The following PACRGL variants were observed in gnomAD, a reference collection of about 807,000 sequenced individuals.
PACRGL encodes PACRG-like protein.
Under a neutral mutation model 34.5 loss-of-function variants are expected in PACRGL, and 38 were observed. That is an observed-to-expected ratio of 1.10 (90% CI 0.85 to 1.44). PACRGL has a LOEUF of 1.44. Ranked by LOEUF, PACRGL falls within the 40% of genes most tolerant of loss-of-function variation. The pLI, the probability that PACRGL is intolerant of heterozygous loss-of-function variation, is 0.00. For synonymous variants in PACRGL, 128 were observed against 100.1 expected (o/e 1.28, Z -1.66); for missense variants, 305 against 281.4 (o/e 1.08, Z -0.60).
chr4:20,754,475 G>A (rs757062401), downstream of PACRGL, among the ~76,000 whole-genome samples: 17 of 152,096 alleles, frequency 1.1e-4, no homozygotes, highest in Non-Finnish European at 2.4e-4. Context: ...ACATGAATTC[G>A]CCTGCCATCA....
chr4:20,739,708 G>A (rs4640668), intron 8 of PACRGL, among the ~76,000 whole-genome samples: 52,108 of 151,950 alleles, frequency 0.34, 9,393 homozygotes, highest in African/African-American at 0.44. Context: ...GCACCTCCTC[G>A]CCAGCAATGG....
chr4:20,732,852 G>T, downstream of PACRGL: 1 of 964,066 alleles, frequency 1.0e-6, no homozygotes, highest in South Asian at 1.5e-5. Context: ...AAGAAGCTCT[G>T]ACAGATTTTT....
At chr4:20,761,946 C>T in the PACRGL span, among the ~76,000 whole-genome samples, 1 of 152,134 alleles carries the variant, frequency 6.6e-6, no homozygotes, top group South Asian at 2.1e-4. Context: ...CAGGAGTCTT[C>T]TAGGAACTGG....
intron 1 of PACRGL, among the ~76,000 whole-genome samples, chr4:20,701,010 TAAA>T (rs1731921620): frequency 6.6e-6 from 1 of 151,998 alleles, no homozygotes; most frequent in South Asian, 2.1e-4. Context: ...TACTTTCTGG[TAAA>T]AAAGGGACTG....
chr4:20,713,083 C>T (rs1009882934), intron 6 of PACRGL, 161 bp downstream of exon 6: 4 of 725,392 alleles, frequency 5.5e-6, no homozygotes, highest in Non-Finnish European at 8.2e-6. Context: ...AACTGTTACT[C>T]AGGGCCAGAT....
the PACRGL span, among the ~76,000 whole-genome samples, chr4:20,763,890 G>T: frequency 6.6e-6 from 1 of 152,094 alleles, no homozygotes. Flanking sequence ...AAGTCATTTA[G>T]CAGTATAAAT....
intron 8 of PACRGL, among the ~76,000 whole-genome samples, chr4:20,746,272 A>G (rs748706978): frequency 3.9e-5 from 6 of 152,162 alleles, no homozygotes; most frequent in Non-Finnish European, 7.3e-5. Flanking sequence ...TATCATGAGA[A>G]CAGTAAACCA....
chr4:20,697,394 T>A (rs1210386206), upstream of PACRGL, among the ~76,000 whole-genome samples: 4 of 152,168 alleles, frequency 2.6e-5, no homozygotes, highest in African/African-American at 4.8e-5. Context: ...AATAATTTTT[T>A]CACAAGTCAA....
At chr4:20,749,181 C>G (rs988261465) in intron 8 of PACRGL, among the ~76,000 whole-genome samples, 5 of 128,714 alleles carry the variant, frequency 3.9e-5, no homozygotes, top group African/African-American at 1.4e-4. Flanking sequence ...AATACGTTCT[C>G]TACAGATCAC....
chr4:20,761,465 T>G, the PACRGL span, among the ~76,000 whole-genome samples: 2 of 152,194 alleles, frequency 1.3e-5, no homozygotes, highest in Non-Finnish European at 2.9e-5. Flanking sequence ...CTAAACACTT[T>G]GCAGTTAGAC....
chr4:20,759,449 G>T, the PACRGL span, among the ~76,000 whole-genome samples: 2 of 152,028 alleles, frequency 1.3e-5, no homozygotes, highest in Non-Finnish European at 2.9e-5. Context: ...CCATATTTTT[G>T]AACTTCCGGA....
rs10584716 is a variant in PACRGL, at chr4:20,725,352, TAC to T, written c.690+487_690+488del. Among the ~76,000 whole-genome samples, 1,454 of 149,944 alleles carry T rather than the reference TAC, an allele frequency of 9.7e-3. 24 individuals are homozygous for T. Among genetic ancestry groups the T allele is most frequent in the South Asian group, 0.064 (304 of 4,758 alleles). On this transcript the variant is annotated intron_variant, in intron 8 of 8. Coordinates refer to ENST00000503585, the MANE Select transcript of PACRGL (RefSeq NM_001258345.3). Reference sequence around the variant, plus strand: ...AAGTGCGTGCATACCCCCATAGGTGTACACACACACACACACACACACACGGA... The same window carrying T: ...AAGTGCGTGCATACCCCCATAGGTGTACACACACACACACACACACACGGA...
intron 8 of PACRGL, among the ~76,000 whole-genome samples, chr4:20,746,535 C>T (rs919178409): frequency 1.3e-5 from 2 of 151,920 alleles, no homozygotes; most frequent in Admixed American, 6.6e-5. Flanking sequence ...AAAAAAAATC[C>T]CCCAACTGAT....
chr4:20,758,872 C>T, the PACRGL span: 1 of 1,613,226 alleles, frequency 6.2e-7, no homozygotes, highest in Non-Finnish European at 8.5e-7. Flanking sequence ...TCTTCATTAA[C>T]AACACCACTG....
At chr4:20,715,550 A>G (rs11721944) in intron 7 of PACRGL, among the ~76,000 whole-genome samples, 25,388 of 152,072 alleles carry the variant, frequency 0.17, 2,215 homozygotes, top group Middle Eastern at 0.22. Flanking sequence ...AAGCACCTAC[A>G]TGAGCAGAGT....
At chr4:20,698,164 T>C (rs1056119727), upstream of PACRGL, among the ~76,000 whole-genome samples, 3 of 152,156 alleles carry the variant, frequency 2.0e-5, 1 homozygote, top group Admixed American at 1.3e-4. Flanking sequence ...CTGGGTGATA[T>C]AGTTTATGCT....
At chr4:20,748,894 GTATATA>G (rs57841958) in intron 8 of PACRGL, among the ~76,000 whole-genome samples, 18,804 of 145,206 alleles carry the variant, frequency 0.13, 1,514 homozygotes, top group African/African-American at 0.23. Context: ...GTGTGTGTGT[GTATATA>G]TATATATATA....
At chr4:20,701,069 C>G (rs935797760) in intron 1 of PACRGL, among the ~76,000 whole-genome samples, 5 of 152,128 alleles carry the variant, frequency 3.3e-5, no homozygotes, top group Admixed American at 6.5e-5. Flanking sequence ...TTTGACAGAG[C>G]TTTACAAATG....
upstream of PACRGL, among the ~76,000 whole-genome samples, chr4:20,696,991 C>T (rs936786900): frequency 6.6e-6 from 1 of 152,180 alleles, no homozygotes; most frequent in Non-Finnish European, 1.5e-5. Flanking sequence ...ATTCTTTCCA[C>T]CTTTAAAAAA....
Sources: allele counts gnomAD v4.1 joint callset (sites outside exome capture counted in the v4.1 genomes callset), GRCh38; gene constraint gnomAD v4.1.1; transcripts MANE v1.5; gene names NCBI Gene and HGNC (gene_info 2026-07-23, HGNC 2026-07-21).